The following PHKA2 variants were observed in gnomAD, a reference collection of about 807,000 sequenced individuals.
PHKA2 encodes phosphorylase kinase regulatory subunit alpha 2.
PHKA2 carries 31 observed loss-of-function variants against 102.0 expected under a neutral mutation model. That is an observed-to-expected ratio of 0.30 (90% CI 0.23 to 0.41). The LOEUF is 0.41. Ranked by LOEUF, PHKA2 falls within the 10% of genes least tolerant of loss-of-function variation. The pLI, the probability that PHKA2 is intolerant of heterozygous loss-of-function variation, is 1.00. For synonymous variants in PHKA2, 455 were observed against 416.2 expected (o/e 1.09, Z -1.13); for missense variants, 858 against 1,023.1 (o/e 0.84, Z 2.20).
At chrX:18,922,533 T>C (rs1220623329) in intron 17 of PHKA2, among the ~76,000 whole-genome samples, 1 of 111,606 alleles carries the variant, frequency 9.0e-6, no homozygotes, top group Non-Finnish European at 1.9e-5. Context: ...CAGCGGGCTC[T>C]TCAAATCGCT....
intron 26 of PHKA2, among the ~76,000 whole-genome samples, chrX:18,902,144 T>G (rs1445452031): frequency 9.3e-6 from 1 of 107,524 alleles, no homozygotes; most frequent in Non-Finnish European, 1.9e-5. Context: ...ACCAGCCATG[T>G]TTTTTTATTT....
chrX:18,981,467 T>C (rs1413208877), intron 1 of PHKA2, among the ~76,000 whole-genome samples: 1 of 111,739 alleles, frequency 8.9e-6, no homozygotes, highest in Non-Finnish European at 1.9e-5. Flanking sequence ...ACAATTCTTT[T>C]GCTTCTGAGG....
In PHKA2 at chrX:18,948,794, C is replaced by T; in HGVS notation, c.487G>A (p.Ala163Thr). ...LRIIFTLDEV[A>T]FIQNLVFYIE... Reference sequence around the variant, plus strand: ...TAAAAGACAAGATTCTGTATGAAGGCCACCTCATCGAGAGTGAAAATGATA... The same window carrying T: ...TAAAAGACAAGATTCTGTATGAAGGTCACCTCATCGAGAGTGAAAATGATA... The change falls in exon 5 of 33, where the codon GCC (alanine) becomes ACC (threonine). Residue 163 changes from alanine (A) to threonine (T), a missense_variant. By Grantham distance (58) the Ala-to-Thr change is moderately conservative (BLOSUM62 0). This residue lies in a region of PHKA2 where 187 missense variants were observed against 277.9 expected (regional missense o/e 0.67). Coordinates refer to ENST00000379942, the MANE Select transcript of PHKA2 (RefSeq NM_000292.3). The T allele has an allele frequency of 8.4e-7, 1 of 1,196,320 alleles. No homozygotes were observed. Among genetic ancestry groups the T allele is most frequent in the Middle Eastern group, 2.3e-4 (1 of 4,309 alleles).
At chrX:18,957,093 G>A (rs774847696) in intron 1 of PHKA2, among the ~76,000 whole-genome samples, 14 of 112,195 alleles carry the variant, frequency 1.2e-4, no homozygotes, top group Non-Finnish European at 2.3e-4. Flanking sequence ...TAGTAGAGAC[G>A]GAGTTTCACC....
intron 26 of PHKA2, among the ~76,000 whole-genome samples, chrX:18,904,604 T>A (rs1490725572): frequency 8.9e-6 from 1 of 112,267 alleles, no homozygotes; most frequent in Non-Finnish European, 1.9e-5. Flanking sequence ...TCAAGGACTC[T>A]GCCTTGGAAA....
rs2047984113 is a variant in PHKA2 at position 18,914,359 on chromosome X, C to T, written c.2138-3399G>A. On this transcript the variant is annotated intron_variant, in intron 19 of 32. Transcript: ENST00000379942. ...GACGACAGGAACAGAATTTCAGAAG[C>T]GGGAAAGCTGACAGATGAAAGATAA... 4.5e-5 allele frequency among the ~76,000 whole-genome samples: 5 copies of T among 112,051 alleles called. No homozygotes were observed. In the Admixed American group the frequency reaches 4.7e-4, roughly 11 times the overall value.
intron 1 of PHKA2, among the ~76,000 whole-genome samples, chrX:18,966,899 G>A (rs2048953295): frequency 8.9e-6 from 1 of 111,944 alleles, no homozygotes; most frequent in African/African-American, 3.2e-5. Context: ...AAAAAGACGG[G>A]AGGGGAAGCT....
intron 19 of PHKA2, among the ~76,000 whole-genome samples, chrX:18,916,017 C>A (rs1209319177): frequency 8.9e-6 from 1 of 112,069 alleles, no homozygotes; most frequent in Non-Finnish European, 1.9e-5. Flanking sequence ...GATGAAAACA[C>A]ACCCAGATAG....
rs774058205 is a variant in PHKA2 at position 18,899,144 on chromosome X, C to T, written c.3111+29G>A. 129 of 1,175,432 alleles carry T rather than the reference C, an allele frequency of 1.1e-4. No homozygotes were observed. The South Asian group carries it at 1.9e-3, about 17-fold the overall frequency. On this transcript the variant is annotated intron_variant, in intron 29 of 32. Coordinates refer to ENST00000379942, the MANE Select transcript of PHKA2 (RefSeq NM_000292.3). ...GGAAGGACGCGAGGAGGAGCGGGGA[C>T]GGACACAATAATCCCGAGGCACTGT...
intron 11 of PHKA2, among the ~76,000 whole-genome samples, chrX:18,933,113 C>CAA (rs34515916): frequency 1.6e-5 from 1 of 62,835 alleles, no homozygotes; most frequent in South Asian, 7.6e-4. Context: ...GACTCTGTCT[C>CAA]AAAAAAAAAA....
In PHKA2 at chrX:18,954,331, C is replaced by T. The variant is rs760024390; in HGVS notation, c.160G>A (p.Val54Met). ...CGGTAGGCCATGCCCAGGCCCCACA[C>T]GGCCAGGATACTGTAGATGTTATCC... ...VRDNIYSILA[V>M]WGLGMAYRKN... The change falls in exon 2 of 33, where the codon GTG becomes ATG. Residue 54 changes from valine to methionine, a missense_variant. By Grantham distance (21) the Val-to-Met change is conservative. This residue lies in a region of PHKA2 where 187 missense variants were observed against 277.9 expected (regional missense o/e 0.67). Coordinates refer to ENST00000379942, the MANE Select transcript of PHKA2 (RefSeq NM_000292.3). The T allele has an allele frequency of 1.7e-6, 2 of 1,209,075 alleles. No homozygotes were observed. The highest frequency in any genetic ancestry group is 1.7e-5 in the African/African-American group (1 of 57,382).
At chrX:18,905,133 A>C (rs1334174925) in intron 26 of PHKA2, among the ~76,000 whole-genome samples, 7 of 111,615 alleles carry the variant, frequency 6.3e-5, no homozygotes, top group African/African-American at 2.3e-4. Context: ...GGTGGTGTGA[A>C]AGGACAGCCC....
intron 29 of PHKA2, among the ~76,000 whole-genome samples, chrX:18,898,434 C>T (rs2047615350): frequency 8.8e-6 from 1 of 113,204 alleles, no homozygotes; most frequent in African/African-American, 3.2e-5. Context: ...AACCTTCACT[C>T]TCACACATCT....
Position 18,902,478 on chromosome X carries a change from C to G in PHKA2, c.2909-875G>C, listed in dbSNP as rs759928004. 3.7e-5 allele frequency among the ~76,000 whole-genome samples: 4 copies of G among 108,823 alleles called. No individual in the cohort carries two copies. The South Asian group carries it at 1.2e-3, about 34-fold the overall frequency. 94.5% of individuals were successfully genotyped at this position (108,823 alleles called of 115,157 possible). Reference sequence around the variant, plus strand: ...AAAAAATTATTCTAATAAAACATACCCGGCCAGGCGCGGTGGCTCACACCT... The same window carrying G: ...AAAAAATTATTCTAATAAAACATACGCGGCCAGGCGCGGTGGCTCACACCT... On this transcript the variant is annotated intron_variant, in intron 26 of 32. Transcript: ENST00000379942.
intron 29 of PHKA2, chrX:18,897,541 C>T (rs775878450): frequency 6.9e-6 from 3 of 434,171 alleles, no homozygotes; most frequent in South Asian, 7.0e-5. Flanking sequence ...TTCCATGTTG[C>T]ACTCTGCCCT....
chrX:18,974,199 A>T (rs1197710458), intron 1 of PHKA2, among the ~76,000 whole-genome samples: 1 of 110,411 alleles, frequency 9.1e-6, no homozygotes, highest in Non-Finnish European at 1.9e-5. Flanking sequence ...ATAATTTCTC[A>T]TATTTAAAAA....
rs146631734 is a variant in PHKA2, at chrX:18,926,514, C to G, written c.1398G>C (p.Ala466=). 2 of 1,198,308 alleles carry G rather than the reference C, an allele frequency of 1.7e-6. No individual in the cohort carries two copies. Among genetic ancestry groups the G allele is most frequent in the South Asian group, 1.8e-5 (1 of 56,566 alleles). The stretch of plus-strand genomic sequence containing the variant: ...GCTGGACTTGAATTGGATGAATGTC[C>G]GCGATACTCTGGACGTTCACCCCGT... ...RKHGVNVQSI[A]DIHPIQVQPG... The change falls in exon 14 of 33, where the codon GCG becomes GCC. Residue 466 remains alanine, a synonymous_variant. Transcript: ENST00000379942.
chrX:18,893,655 C>T lies in PHKA2; in HGVS notation c.3538G>A (p.Val1180Met), dbSNP rs763918073. Residue 1180 changes from valine (V) to methionine (M), a missense_variant and splice_region_variant, in exon 33 of 33, where the codon GTG (valine) becomes ATG (methionine). By Grantham distance (21) the Val-to-Met change is conservative. This residue lies in a region of PHKA2 where 671 missense variants were observed against 745.2 expected (regional missense o/e 0.90). Coordinates refer to ENST00000379942, the MANE Select transcript of PHKA2 (RefSeq NM_000292.3). ...AGGGTGTCCATGGCACCAATTGACA[C>T]CTGCAGTAGGAAAGGGCAGAGGGGA... is the stretch of plus-strand genomic sequence containing the variant. ...MASQLFLQDQ[V>M]SIGAMDTLEK... 7.4e-6 allele frequency: 9 copies of T among 1,208,707 alleles called. No homozygotes were observed. In the South Asian group the frequency reaches 8.8e-5, roughly 12 times the overall value.
chrX:18,901,674 T>C, intron 26 of PHKA2, 71 bp from the exon 27 acceptor site: 5 of 701,187 alleles, frequency 7.1e-6, no homozygotes, highest in South Asian at 2.1e-5. Context: ...GATCTGCCCC[T>C]GTCTCCCCCA....
Sources: allele counts gnomAD v4.1 joint callset (sites outside exome capture counted in the v4.1 genomes callset), GRCh38; gene constraint gnomAD v4.1.1; regional missense constraint gnomAD v4.1.1; transcripts MANE v1.5; gene names NCBI Gene and HGNC (gene_info 2026-07-23, HGNC 2026-07-21).